The following ARSB variants were observed in gnomAD, a reference collection of about 807,000 sequenced individuals.
ARSB encodes the protein arylsulfatase B.
Under a neutral mutation model 50.9 loss-of-function variants are expected in ARSB, and 41 were observed. The observed-to-expected ratio is 0.81, with a 90% CI of 0.63 to 1.04. The LOEUF (loss-of-function observed/expected upper bound fraction) is 1.04. Ranked by LOEUF, ARSB falls within the 50% of genes least tolerant of loss-of-function variation. The probability of loss-of-function intolerance (pLI) is 0.00; values close to 1 mark genes in which losing one functional copy is unlikely to be tolerated. For synonymous variants in ARSB, 269 were observed against 284.8 expected (o/e 0.94, Z 0.56); for missense variants, 672 against 693.3 (o/e 0.97, Z 0.35).
rs1440081063 is a variant in ARSB at position 78,955,329 on chromosome 5, C to T, written c.864G>A (p.Gly288=). 1 of 1,614,164 alleles carries T rather than the reference C, an allele frequency of 6.2e-7. No homozygotes were observed. ...GNVTAALKSS[G]LWNNTVFIFS... ...AGATGAACACCGTGTTGTTCCAGAG[C>T]CCACTGCTTTTTAAAGCTGCAGTGA... The change falls in exon 4 of 8, where the codon GGG becomes GGA. Residue 288 remains glycine (G), a synonymous_variant. Transcript: ENST00000264914.
intron 4 of ARSB, among the ~76,000 whole-genome samples, chr5:78,926,437 T>C (rs1347585437): frequency 6.6e-6 from 1 of 151,858 alleles, no homozygotes; most frequent in African/African-American, 2.4e-5. Flanking sequence ...GAAACTTGCT[T>C]CCCCCACTTT....
In ARSB at chr5:78,964,538, T is replaced by A. The variant is rs75458417; in HGVS notation, c.568A>T (p.Thr190Ser). 6.2e-7 allele frequency: 1 copy of A among 1,614,062 alleles called. No individual in the cohort carries two copies. The highest frequency in any genetic ancestry group is 1.1e-5 in the South Asian group (1 of 91,082). The change falls in exon 3 of 8, where the codon ACA (threonine) becomes TCA (serine). Residue 190 changes from threonine to serine, a missense_variant. By Grantham distance (58) the Thr-to-Ser change is moderately conservative (BLOSUM62 1). Coordinates refer to ENST00000264914, the MANE Select transcript of ARSB (RefSeq NM_000046.5). ...TCTCGAAAATCAAGAGCACATCGTG[T>A]GACATTCAGAGCGTCAATTAATGTA... ...RCTLIDALNVTRCALDFRDGE... is the reference protein window; with the variant it reads ...RCTLIDALNVSRCALDFRDGE...
chr5:78,878,427 G>T (rs1747587745), intron 5 of ARSB, among the ~76,000 whole-genome samples: 1 of 152,108 alleles, frequency 6.6e-6, no homozygotes, highest in African/African-American at 2.4e-5. Flanking sequence ...TAAAACAGGG[G>T]GCCCCAAGAC....
chr5:78,975,600 GACC>G (rs1346151001), intron 1 of ARSB, among the ~76,000 whole-genome samples: 1 of 152,138 alleles, frequency 6.6e-6, no homozygotes, highest in African/African-American at 2.4e-5. Flanking sequence ...CCCAGTTGAG[GACC>G]AGAGTTACTT....
chr5:78,962,522 C>T (rs114899034), intron 3 of ARSB, among the ~76,000 whole-genome samples: 1,437 of 103,226 alleles, frequency 0.014, 23 homozygotes, highest in African/African-American at 0.061. Flanking sequence ...TACATGTGCT[C>T]GATTTTTTTT....
intron 6 of ARSB, among the ~76,000 whole-genome samples, chr5:78,819,224 T>C (rs1420123313): frequency 5.3e-5 from 8 of 151,958 alleles, no homozygotes; most frequent in Non-Finnish European, 1.5e-5. Flanking sequence ...ATGAGGAGGT[T>C]GAAAGAAAGG....
intron 4 of ARSB, among the ~76,000 whole-genome samples, chr5:78,923,017 T>A (rs1749897111): frequency 6.6e-6 from 1 of 152,172 alleles, no homozygotes; most frequent in African/African-American, 2.4e-5. Flanking sequence ...AGGAAACGCT[T>A]TTTGAAATTA....
intron 4 of ARSB, among the ~76,000 whole-genome samples, chr5:78,909,797 G>A (rs56307340): frequency 0.14 from 20,978 of 152,182 alleles, 1,578 homozygotes; most frequent in Middle Eastern, 0.18. Context: ...AAGGGTCTGT[G>A]CTGAGGAGGA....
intron 4 of ARSB, among the ~76,000 whole-genome samples, chr5:78,898,531 T>C (rs1748670033): frequency 1.3e-5 from 2 of 152,078 alleles, no homozygotes; most frequent in South Asian, 2.1e-4. Context: ...GAAATCAAAT[T>C]TAGCTTTATA....
intron 4 of ARSB, among the ~76,000 whole-genome samples, chr5:78,907,639 T>A (rs945403542): frequency 2.0e-5 from 3 of 152,218 alleles, no homozygotes; most frequent in Non-Finnish European, 4.4e-5. Flanking sequence ...TTTTTTAAAA[T>A]TTTGTTAAGT....
At chr5:78,815,870 T>G in intron 6 of ARSB, 1 of 1,395,086 alleles carries the variant, frequency 7.2e-7, no homozygotes. Context: ...ATGACCCATC[T>G]GTGGTAGTTT....
chr5:78,845,052 C>A (rs1305732205), intron 5 of ARSB, among the ~76,000 whole-genome samples: 1 of 151,946 alleles, frequency 6.6e-6, no homozygotes, highest in Non-Finnish European at 1.5e-5. Flanking sequence ...ACCCTTCCCA[C>A]CCCTCAGGAA....
intron 4 of ARSB, among the ~76,000 whole-genome samples, chr5:78,922,157 A>G (rs1749844847): frequency 7.0e-6 from 1 of 142,604 alleles, no homozygotes; most frequent in East Asian, 2.3e-4. Context: ...TGCAATTTCT[A>G]GGCAAATCCT....
At chr5:78,785,338 T>C (rs571984306) in intron 6 of ARSB, among the ~76,000 whole-genome samples, 1 of 152,368 alleles carries the variant, frequency 6.6e-6, no homozygotes, top group East Asian at 1.9e-4. Flanking sequence ...TCTGAAGTTG[T>C]TGGGCTCAAT....
chr5:78,926,904 C>G (rs143514857), intron 4 of ARSB, among the ~76,000 whole-genome samples: 90 of 152,278 alleles, frequency 5.9e-4, no homozygotes, highest in African/African-American at 2.0e-3. Context: ...TTTTTTGAGA[C>G]AGGGTTTTGC....
At chr5:78,863,015 A>G (rs1436925879) in intron 5 of ARSB, among the ~76,000 whole-genome samples, 2 of 152,260 alleles carry the variant, frequency 1.3e-5, no homozygotes, top group South Asian at 2.1e-4. Flanking sequence ...AATGCTCATC[A>G]TCACTGGTCA....
At position 78,783,769 on chromosome 5, in the gene ARSB, C is replaced by T. The variant is rs566679138; in HGVS notation, c.1214-1795G>A. Among the ~76,000 whole-genome samples the T allele has an allele frequency of 1.6e-4, 25 of 152,232 alleles. 1 individual carries two copies. In the South Asian group the frequency reaches 5.0e-3, roughly 30 times the overall value. The stretch of plus-strand genomic sequence containing the variant: ...AAACAAAAAAAGGAAATTTAACTAT[C>T]TCATCTATACTTATATTTATACACA... On this transcript the variant is annotated intron_variant, in intron 6 of 7. Coordinates refer to ENST00000264914, the MANE Select transcript of ARSB (RefSeq NM_000046.5).
At chr5:78,918,696 TTAAG>T (rs1288317635) in intron 4 of ARSB, among the ~76,000 whole-genome samples, 17 of 152,234 alleles carry the variant, frequency 1.1e-4, no homozygotes, top group Admixed American at 3.3e-4. Flanking sequence ...ATTTATTAAA[TTAAG>T]TAACTCTTCT....
chr5:78,848,492 C>A (rs1745573131), intron 5 of ARSB, among the ~76,000 whole-genome samples: 1 of 151,170 alleles, frequency 6.6e-6, no homozygotes, highest in South Asian at 2.1e-4. Context: ...GGTTCCAAGT[C>A]TTTGCTATTG....
Sources: allele counts gnomAD v4.1 joint callset (sites outside exome capture counted in the v4.1 genomes callset), GRCh38; gene constraint gnomAD v4.1.1; transcripts MANE v1.5; gene names NCBI Gene and HGNC (gene_info 2026-07-23, HGNC 2026-07-21).